The following CCDC82 variants were observed in gnomAD, a reference collection of about 807,000 sequenced individuals.
The protein encoded by CCDC82 is coiled-coil domain-containing protein 82.
A neutral mutation model predicts 60.6 loss-of-function variants in CCDC82; 47 were observed. The observed-to-expected ratio is 0.77, with a 90% confidence interval of 0.61 to 0.99. The LOEUF is 0.99. Ranked by LOEUF, CCDC82 falls within the 50% of genes least tolerant of loss-of-function variation. The pLI is 0.00. For missense variants in CCDC82, 588 were observed against 633.0 expected, an observed-to-expected ratio of 0.93 and a Z score of 0.76; for synonymous variants, 212 against 207.4, an observed-to-expected ratio of 1.02 and a Z score of -0.19.
At chr11:96,365,973 TTTATA>T (rs1356243306) in intron 7 of CCDC82, among the ~76,000 whole-genome samples, 1 of 152,248 alleles carries the variant, frequency 6.6e-6, no homozygotes, top group Non-Finnish European at 1.5e-5. Flanking sequence ...CAGTTTACTT[TTTATA>T]TTATATGATT....
intron 8 of CCDC82, among the ~76,000 whole-genome samples, chr11:96,362,536 G>T (rs1327323844): frequency 6.6e-6 from 1 of 152,072 alleles, no homozygotes; most frequent in Non-Finnish European, 1.5e-5. Flanking sequence ...ATAGACTCTG[G>T]GCAAAACTAA....
intron 8 of CCDC82, among the ~76,000 whole-genome samples, chr11:96,360,356 CTA>C (rs151171480): frequency 0.012 from 1,740 of 150,968 alleles, 25 homozygotes; most frequent in African/African-American, 0.04. Flanking sequence ...CCACACGCAG[CTA>C]ATTTTTTTTT....
intron 4 of CCDC82, 31 bp from the exon 5 acceptor site, chr11:96,383,504 A>G (rs1360279924): frequency 1.6e-5 from 22 of 1,410,340 alleles, no homozygotes; most frequent in Non-Finnish European, 2.2e-5. Context: ...GCTTCAGTAA[A>G]TGGTGCTATT....
intron 9 of CCDC82, chr11:96,354,950 C>T (rs574796654): frequency 1.3e-5 from 2 of 152,250 alleles, no homozygotes; most frequent in East Asian, 3.9e-4. Flanking sequence ...TTTCCTTCTA[C>T]ACCTTGAAGG....
rs920337741 is a variant in CCDC82 at position 96,368,403 on chromosome 11, CACAA to C, written c.1209+2606_1209+2609del. ...AGGTTTTGTTGTTCCATTTATAGAG[CACAA>C]ACAGAGTCAGTTTAGCATAATTCTC... On this transcript the variant is annotated intron_variant, in intron 7 of 9. Coordinates refer to ENST00000646818, the MANE Select transcript of CCDC82 (RefSeq NM_024725.4). 5.9e-5 allele frequency among the ~76,000 whole-genome samples: 9 copies of C among 152,068 alleles called. No homozygotes were observed. The South Asian group carries it at 8.3e-4, about 14-fold the overall frequency.
chr11:96,368,280 A>C (rs1009704373), intron 7 of CCDC82, among the ~76,000 whole-genome samples: 7 of 152,214 alleles, frequency 4.6e-5, no homozygotes, highest in African/African-American at 1.7e-4. Context: ...ATGAGGAATA[A>C]TATTTTGAAA....
intron 3 of CCDC82, 24 bp from the exon 4 acceptor site, chr11:96,384,785 TA>T (rs1393958156): frequency 1.4e-5 from 20 of 1,440,028 alleles, no homozygotes; most frequent in Middle Eastern, 1.8e-4. Flanking sequence ...TTGTTAGGAA[TA>T]TAACAGTGAT....
chr11:96,379,019 T>C (rs1865732039), intron 5 of CCDC82, among the ~76,000 whole-genome samples: 2 of 151,982 alleles, frequency 1.3e-5, no homozygotes. Context: ...TGATTCCGAT[T>C]GTCAACTGAA....
intron 6 of CCDC82, among the ~76,000 whole-genome samples, chr11:96,372,256 G>C (rs1021873325): frequency 6.6e-6 from 1 of 152,028 alleles, no homozygotes; most frequent in Non-Finnish European, 1.5e-5. Flanking sequence ...TACCCCAAGA[G>C]GCCTTTTTTG....
At position 96,384,707 on chromosome 11, in the gene CCDC82, T is replaced by C; in HGVS notation, c.41A>G (p.Lys14Arg). The C allele has an allele frequency of 6.2e-7, 1 of 1,609,562 alleles. No homozygotes were observed. Among genetic ancestry groups the C allele is most frequent in the Non-Finnish European group, 8.5e-7 (1 of 1,178,548 alleles). Residue 14 changes from lysine to arginine, a missense_variant, in exon 4 of 10, where the codon AAG becomes AGG. Transcript: ENST00000646818. ...VRRHETRRNS[K>R]SHVPEQKSRV... The stretch of plus-strand genomic sequence containing the variant: ...AGATTTCTGCTCAGGCACGTGACTC[T>C]TAGAATTTCTCCTTGTTTCATGTCT...
rs181817290 is a variant in CCDC82, at chr11:96,375,686, G to C, written c.992-2219C>G. On this transcript the variant is annotated intron_variant, in intron 5 of 9. Coordinates refer to ENST00000646818, the MANE Select transcript of CCDC82 (RefSeq NM_024725.4). ...TCCTAAGACCAAACAGTAAGTTTCG[G>C]AACTAGGGCTGGAACCCCATCTAAG... Among the ~76,000 whole-genome samples the C allele has an allele frequency of 1.4e-3, 211 of 152,302 alleles. 2 individuals are homozygous for C. The highest frequency in any genetic ancestry group is 0.014 in the Middle Eastern group (4 of 294).
In CCDC82 at chr11:96,370,916, G is replaced by A. The variant is rs547451649; in HGVS notation, c.1209+97C>T. On this transcript the variant is annotated intron_variant, in intron 7 of 9. Transcript: ENST00000646818. ...TAAGCTGATTATTTAACAAAGACAT[G>A]CCAATATTTTAGAAGATTATTCAGT... 10 of 1,053,736 alleles carry A rather than the reference G, an allele frequency of 9.5e-6. No homozygotes were observed. In the East Asian group the frequency reaches 2.8e-4, roughly 30 times the overall value. 65.3% of individuals were successfully genotyped at this position (1,053,736 alleles called of 1,614,324 possible).
intron 6 of CCDC82, 77 bp downstream of exon 6, chr11:96,373,296 CAT>C (rs1865381193): frequency 1.2e-6 from 1 of 854,662 alleles, no homozygotes; most frequent in Non-Finnish European, 1.9e-6. Context: ...GTTTAATCTA[CAT>C]AGTTTTAAAA....
At position 96,383,435 on chromosome 11, in the gene CCDC82, A is replaced by C. The variant is rs1266194348; in HGVS notation, c.825T>G (p.Val275=). Residue 275 remains valine (V), a synonymous_variant, in exon 5 of 10, where the codon GTT becomes GTG. Coordinates refer to ENST00000646818, the MANE Select transcript of CCDC82 (RefSeq NM_024725.4). ...EKESCPSSDE[V]DEEEEEDNYE... The stretch of plus-strand genomic sequence containing the variant: ...AATTATCCTCTTCTTCCTCCTCATC[A>C]ACTTCATCACTGCTTGGGCAAGATT... The C allele has an allele frequency of 6.2e-7, 1 of 1,605,718 alleles. No individual in the cohort carries two copies. The highest frequency in any genetic ancestry group is 2.2e-5 in the East Asian group (1 of 44,642).
intron 8 of CCDC82, among the ~76,000 whole-genome samples, chr11:96,361,526 G>C (rs1360813818): frequency 6.6e-6 from 1 of 152,044 alleles, no homozygotes; most frequent in Non-Finnish European, 1.5e-5. Context: ...CATTTTATAT[G>C]GAAGAACCTA....
Position 96,353,509 on chromosome 11 carries a change from A to G in CCDC82, c.*137T>C. ...AGAGTGCCACTTCACAGGAATTAAG[A>G]TAATCATGTTTTAAACAAAATATTT... is the stretch of plus-strand genomic sequence containing the variant. On this transcript the variant is annotated 3_prime_UTR_variant, in exon 10 of 10. Coordinates refer to ENST00000646818, the MANE Select transcript of CCDC82 (RefSeq NM_024725.4). 1.5e-6 allele frequency: 1 copy of G among 681,242 alleles called. No individual in the cohort carries two copies. The highest frequency in any genetic ancestry group is 2.6e-6 in the Non-Finnish European group (1 of 390,656). The allele number at this position is 681,242 out of a possible 1,614,324, so 42.2% of individuals were successfully genotyped here. A position where few individuals can be genotyped will look rare whatever the true frequency, so the allele number is the denominator to read the frequency against.
At chr11:96,359,957 T>C (rs1864555366) in intron 8 of CCDC82, among the ~76,000 whole-genome samples, 1 of 151,402 alleles carries the variant, frequency 6.6e-6, no homozygotes, top group Non-Finnish European at 1.5e-5. Flanking sequence ...TACGTTTATA[T>C]GGACTTCTAT....
intron 8 of CCDC82, among the ~76,000 whole-genome samples, chr11:96,361,688 A>T (rs778360427): frequency 5.3e-5 from 8 of 152,226 alleles, no homozygotes; most frequent in Non-Finnish European, 1.2e-4. Context: ...GAATTGAAGT[A>T]TACAGTACAA....
Position 96,353,330 on chromosome 11 carries a change from T to TATA in CCDC82, c.*313_*315dup, listed in dbSNP as rs1476794173. Reference sequence around the variant, plus strand: ...GTCTAAATACATTTTTAAGATACAATATATTTTGACTAAACTGACAGGATA... The same window carrying TATA: ...GTCTAAATACATTTTTAAGATACAATATAATATTTTGACTAAACTGACAGGATA... On this transcript the variant is annotated 3_prime_UTR_variant, in exon 10 of 10. Transcript: ENST00000646818. 4.7e-6 allele frequency: 1 copy of TATA among 213,002 alleles called. No homozygotes were observed. Among genetic ancestry groups the TATA allele is most frequent in the Non-Finnish European group, 9.2e-6 (1 of 108,280 alleles). The allele number at this position is 213,002 out of a possible 1,614,324, so 13.2% of individuals were successfully genotyped here.
Sources: gnomAD v4.1 joint callset for allele counts (sites outside exome capture counted in the v4.1 genomes callset) on GRCh38, gnomAD v4.1.1 for gene constraint, MANE v1.5 for transcripts, NCBI Gene and HGNC (gene_info 2026-07-23, HGNC 2026-07-21) for gene names.